WDR19: variants seen among roughly 807,000 people sequenced by gnomAD.
WDR19 encodes the protein WD repeat domain 19, also known as WD repeat-containing protein 19.
A neutral mutation model predicts 180.0 loss-of-function variants in WDR19; 121 were observed. The ratio of observed to expected loss-of-function variants is 0.67; its 90% CI spans 0.58 to 0.78. WDR19 has a LOEUF of 0.78. Ranked by LOEUF, WDR19 falls within the 30% of genes least tolerant of loss-of-function variation. The pLI, the probability that WDR19 is intolerant of heterozygous loss-of-function variation, is 0.00. For missense variants in WDR19, 1,450 were observed against 1,640.7 expected (o/e 0.88, Z 2.01); for synonymous variants, 497 against 540.7 (o/e 0.92, Z 1.12).
chr4:39,281,215 G>GTGTGTGTGTGTGTGTATATATATA (rs1167602972), intron 36 of WDR19, among the ~76,000 whole-genome samples: 4 of 110,114 alleles, frequency 3.6e-5, no homozygotes, highest in African/African-American at 1.3e-4. Context: ...ATGTGTGTGT[G>GTGTGTGTGTGTGTGTATATATATA]TATATATATA....
chr4:39,274,620 T>C (rs906833213), intron 32 of WDR19, 188 bp from the exon 33 acceptor site: 3 of 613,744 alleles, frequency 4.9e-6, no homozygotes, highest in Non-Finnish European at 8.3e-6. Context: ...AAGCACTTGA[T>C]GGGCAGTTAG....
chr4:39,233,974 G>C (rs980045554), intron 19 of WDR19, among the ~76,000 whole-genome samples: 13 of 152,140 alleles, frequency 8.5e-5, no homozygotes, highest in African/African-American at 3.1e-4. Context: ...GAGTTCAGAG[G>C]CAGAGCCCTA....
chr4:39,211,967 GAGAGAGAGAGAGAGAGA>G (rs778406666), intron 9 of WDR19, among the ~76,000 whole-genome samples: 1,584 of 94,262 alleles, frequency 0.017, 31 homozygotes, highest in Middle Eastern at 0.034. Flanking sequence ...GAGAGAGAGA[GAGAGAGAGAGAGAGAGA>G]GATAGATAGA....
intron 36 of WDR19, among the ~76,000 whole-genome samples, chr4:39,282,334 A>G (rs1427469029): frequency 6.6e-6 from 1 of 152,198 alleles, no homozygotes; most frequent in African/African-American, 2.4e-5. Context: ...CTGCCAATCT[A>G]TGAATATGGT....
chr4:39,246,926 G>T (rs1732588259), intron 24 of WDR19, among the ~76,000 whole-genome samples: 1 of 152,238 alleles, frequency 6.6e-6, no homozygotes, highest in Admixed American at 6.5e-5. Context: ...CACCTCTGAG[G>T]GCAGGGCACA....
chr4:39,260,969 A>G (rs1447061936), intron 28 of WDR19, among the ~76,000 whole-genome samples: 6 of 152,004 alleles, frequency 3.9e-5, no homozygotes, highest in African/African-American at 1.5e-4. Flanking sequence ...GGACACAAAC[A>G]GTTCATAATA....
chr4:39,281,236 T>TATATATATAGAGAGAGAGAGAG (rs762298152), intron 36 of WDR19, among the ~76,000 whole-genome samples: 13 of 104,012 alleles, frequency 1.2e-4, no homozygotes, highest in South Asian at 3.1e-4. Context: ...TATATATATA[T>TATATATATAGAGAGAGAGAGAG]AGAGAGAGAG....
rs977964407 is a variant in WDR19 at position 39,278,683 on chromosome 4, C to T, written c.*13+20C>T. ...GTGCAGGTGAGTGGCAGAGCGCCCACGCACCTTCTGGGCGCAAGGGCCCAC... is the reference window on the plus strand; with the variant it reads ...GTGCAGGTGAGTGGCAGAGCGCCCATGCACCTTCTGGGCGCAAGGGCCCAC... On this transcript the variant is annotated intron_variant, in intron 36 of 36. Transcript: ENST00000399820. 2.7e-5 allele frequency: 41 copies of T among 1,522,002 alleles called. No homozygotes were observed. The highest frequency in any genetic ancestry group is 3.2e-5 in the Non-Finnish European group (35 of 1,107,284). The allele number at this position is 1,522,002 out of a possible 1,614,324, so 94.3% of individuals were successfully genotyped here.
Position 39,270,037 on chromosome 4 carries a change from G to C in WDR19, c.3420G>C (p.Lys1140Asn). 6.2e-7 allele frequency: 1 copy of C among 1,613,728 alleles called. No homozygotes were observed. Among genetic ancestry groups the C allele is most frequent in the Non-Finnish European group, 8.5e-7 (1 of 1,179,820 alleles). Residue 1140 changes from lysine to asparagine, a missense_variant, in exon 31 of 37, where the codon AAG becomes AAC. Coordinates refer to ENST00000399820, the MANE Select transcript of WDR19 (RefSeq NM_025132.4). Reference protein sequence around the residue: ...FSMYAELKSQKIKIPSEMATN... With the variant: ...FSMYAELKSQNIKIPSEMATN... The stretch of plus-strand genomic sequence containing the variant: ...TGTATGCAGAACTGAAATCCCAGAA[G>C]ATCAAAATTCCCTCCGAGATGGCCA...
intron 21 of WDR19, among the ~76,000 whole-genome samples, chr4:39,243,107 A>T (rs957297404): frequency 2.0e-5 from 3 of 151,530 alleles, no homozygotes; most frequent in African/African-American, 7.3e-5. Flanking sequence ...AAAATTAAAA[A>T]ATTAAATTCA....
chr4:39,216,521 C>T (rs994493839), intron 12 of WDR19, among the ~76,000 whole-genome samples: 6 of 152,204 alleles, frequency 3.9e-5, no homozygotes, highest in African/African-American at 1.4e-4. Context: ...TCATTTTACA[C>T]TTGTGAGCCT....
intron 30 of WDR19, 76 bp downstream of exon 30, chr4:39,268,167 A>T (rs1416480179): frequency 1.6e-6 from 2 of 1,281,148 alleles, no homozygotes; most frequent in African/African-American, 1.5e-5. Context: ...CTGTGTAGGA[A>T]AGAGTAGCCC....
In WDR19 at chr4:39,278,135, G is replaced by A. The variant is rs747668085; in HGVS notation, c.3845G>A (p.Arg1282Gln). ...NSIPYCIATGRHMLKDDWTVC... is the reference protein window; with the variant it reads ...NSIPYCIATGQHMLKDDWTVC... ...TCTTAAACATCCTGTTTCCAGGGTC[G>A]ACACATGTTGAAAGATGACTGGACG... Residue 1282 changes from arginine (R) to glutamine (Q), a missense_variant, in exon 35 of 37, where the codon CGA becomes CAA. Arg to Gln is a conservative substitution (Grantham distance 43). Transcript: ENST00000399820. The A allele has an allele frequency of 4.4e-6, 7 of 1,602,120 alleles. No homozygotes were observed. Among genetic ancestry groups the A allele is most frequent in the Non-Finnish European group, 6.0e-6 (7 of 1,174,056 alleles).
At chr4:39,200,704 T>C (rs1727278964) in intron 6 of WDR19, among the ~76,000 whole-genome samples, 1 of 152,156 alleles carries the variant, frequency 6.6e-6, no homozygotes, top group Non-Finnish European at 1.5e-5. Flanking sequence ...TTTGCCATAT[T>C]TTGTTCTTTA....
chr4:39,266,175 G>T, intron 29 of WDR19, 35 bp downstream of exon 29: 1 of 1,500,556 alleles, frequency 6.7e-7, no homozygotes, highest in Non-Finnish European at 9.0e-7. Context: ...GCATCCTCAG[G>T]TCTCAGTTAC....
At chr4:39,220,820 A>G (rs941081273) in intron 14 of WDR19, among the ~76,000 whole-genome samples, 5 of 129,530 alleles carry the variant, frequency 3.9e-5, no homozygotes, top group Non-Finnish European at 8.4e-5. Context: ...AACATTTTTT[A>G]TATTTTCTTT....
At chr4:39,284,016 T>C (rs1736863987) in intron 36 of WDR19, among the ~76,000 whole-genome samples, 1 of 152,202 alleles carries the variant, frequency 6.6e-6, no homozygotes, top group African/African-American at 2.4e-5. Flanking sequence ...CTATTTTTGG[T>C]TTCCAGAATT....
At chr4:39,210,234 A>G (rs1313164182) in intron 9 of WDR19, among the ~76,000 whole-genome samples, 1 of 152,272 alleles carries the variant, frequency 6.6e-6, no homozygotes, top group African/African-American at 2.4e-5. Context: ...AAGAAAAAGT[A>G]CAGGTCAATA....
At chr4:39,273,868 A>G (rs2109511453) in intron 32 of WDR19, 1 of 152,322 alleles carries the variant, frequency 6.6e-6, no homozygotes, top group East Asian at 1.9e-4. Context: ...TGTCATGATA[A>G]CATTCTTAAG....
Sources: allele counts gnomAD v4.1 joint callset (sites outside exome capture counted in the v4.1 genomes callset), GRCh38; gene constraint gnomAD v4.1.1; transcripts MANE v1.5; gene names NCBI Gene and HGNC (gene_info 2026-07-23, HGNC 2026-07-21).